FASN: variants seen among roughly 807,000 people sequenced by gnomAD.
FASN encodes fatty acid synthase.
FASN carries 50 observed loss-of-function variants against 250.0 expected under a neutral mutation model. The observed-to-expected ratio is 0.20, with a 90% CI of 0.16 to 0.25. FASN has a LOEUF of 0.25. FASN is among the 10% of genes least tolerant of loss of function. The pLI, the probability that FASN is intolerant of heterozygous loss-of-function variation, is 1.00. For missense variants in FASN, 3,031 were observed against 3,498.5 expected, an observed-to-expected ratio of 0.87 and a Z score of 3.37; for synonymous variants, 1,909 against 1,584.0, an observed-to-expected ratio of 1.21 and a Z score of -4.87.
rs2034082138 is a variant in FASN at position 82,085,601 on chromosome 17, C to A, written c.4003G>T (p.Ala1335Ser). Residue 1335 changes from alanine (A) to serine (S), a missense_variant, in exon 23 of 43, where the codon GCC becomes TCC. By Grantham distance (99) the Ala-to-Ser change is moderately conservative (BLOSUM62 1). Transcript: ENST00000306749. ...AGCAGAAAGCCCCCTTCTCTCAGGG[C>A]AGCCACCATGTTGCTGAGAGCTGAG... ...PASALSNMVA[A>S]LREGGFLLLH... The A allele has an allele frequency of 6.3e-7, 1 of 1,599,082 alleles. No homozygotes were observed. The highest frequency in any genetic ancestry group is 8.5e-7 in the Non-Finnish European group (1 of 1,173,638).
Position 82,081,658 on chromosome 17 carries a change from C to T in FASN, c.6349G>A (p.Ala2117Thr), listed in dbSNP as rs2144781772. 1 of 1,612,778 alleles carries T rather than the reference C, an allele frequency of 6.2e-7. No individual in the cohort carries two copies. Among genetic ancestry groups the T allele is most frequent in the Non-Finnish European group, 8.5e-7 (1 of 1,179,998 alleles). ...CGCTGGCTGTCCCTGTCCCTATAGGCCGCAGCCTTCTCAGCCAGCACAAAG... is the reference window on the plus strand; with the variant it reads ...CGCTGGCTGTCCCTGTCCCTATAGGTCGCAGCCTTCTCAGCCAGCACAAAG... Reference protein sequence around the residue: ...SSFVLAEKAAAYRDRDSQRDL... With the variant: ...SSFVLAEKAATYRDRDSQRDL... The change falls in exon 37 of 43, where the codon GCC becomes ACC. Residue 2117 changes from alanine (A) to threonine (T), a missense_variant. Transcript: ENST00000306749.
chr17:82,093,511 C>T (rs577286898), intron 4 of FASN, 87 bp downstream of exon 4: 231 of 1,596,264 alleles, frequency 1.4e-4, no homozygotes, highest in Middle Eastern at 3.7e-4. Flanking sequence ...ACACACTGCA[C>T]GGAGTGAGCC....
rs1283625957 is a variant in FASN, at chr17:82,088,118, G to A, written c.2783C>T (p.Thr928Ile). The A allele has an allele frequency of 1.9e-6, 3 of 1,612,822 alleles. No individual in the cohort carries two copies. Among genetic ancestry groups the A allele is most frequent in the East Asian group, 2.2e-5 (1 of 44,884 alleles). The change falls in exon 17 of 43, where the codon ACT becomes ATT. Residue 928 changes from threonine to isoleucine, a missense_variant and splice_region_variant. By Grantham distance (89) the Thr-to-Ile change is moderately conservative. Coordinates refer to ENST00000306749, the MANE Select transcript of FASN (RefSeq NM_004104.5). ...VLHQATILPK[T>I]GTVSLEVRLL... ...CTTGGTCCTGGGGTACCCCTCACCAGTCTTGGGCAGGATGGTGGCCTGGTG... is the reference window on the plus strand; with the variant it reads ...CTTGGTCCTGGGGTACCCCTCACCAATCTTGGGCAGGATGGTGGCCTGGTG...
At chr17:82,090,202 C>G (rs1310614023) in intron 11 of FASN, among the ~76,000 whole-genome samples, 173 bp downstream of exon 11, 1 of 152,210 alleles carries the variant, frequency 6.6e-6, no homozygotes, top group Non-Finnish European at 1.5e-5. Context: ...GGTGTGGGGC[C>G]AGTGGGGCAG....
Position 82,084,905 on chromosome 17 carries a change from C to T in FASN, c.4458G>A (p.Val1486=), listed in dbSNP as rs1203541315. The change falls in exon 26 of 43, where the codon GTG becomes GTA. Residue 1486 remains valine, a synonymous_variant. Coordinates refer to ENST00000306749, the MANE Select transcript of FASN (RefSeq NM_004104.5). ...TCTGCAGTTCTGCGGAGCCCGGGTC[C>T]ACCTCCGGGACGTGGGAGGTGCTGC... is the stretch of plus-strand genomic sequence containing the variant. ...NLSSTSHVPE[V]DPGSAELQKV... The T allele has an allele frequency of 6.4e-6, 10 of 1,551,818 alleles. No individual in the cohort carries two copies. The Admixed American group carries it at 2.0e-4, about 30-fold the overall frequency.
At chr17:82,082,785 C>T in intron 33 of FASN, 107 bp from the exon 34 acceptor site, 10 of 1,553,524 alleles carry the variant, frequency 6.4e-6, no homozygotes, top group Non-Finnish European at 8.7e-6. Flanking sequence ...CCAGCAAGCC[C>T]CCCACAAGAT....
chr17:82,089,606 G>C (rs1320076974), intron 12 of FASN, 26 bp downstream of exon 12: 22 of 1,573,312 alleles, frequency 1.4e-5, no homozygotes, highest in Admixed American at 1.9e-5. Flanking sequence ...GGGGACAGAG[G>C]AGCCCGCCCA....
At chr17:82,093,817 C>T (rs748823363) in intron 3 of FASN, 46 bp from the exon 4 acceptor site, 3 of 1,583,920 alleles carry the variant, frequency 1.9e-6, no homozygotes, top group East Asian at 2.3e-5. Context: ...CCCCACAGCG[C>T]AGCCAGCCCA....
rs774081725 is a variant in FASN at position 82,090,945 on chromosome 17, C to T, written c.1617G>A (p.Leu539=). 3 of 1,612,698 alleles carry T rather than the reference C, an allele frequency of 1.9e-6. No individual in the cohort carries two copies. The highest frequency in any genetic ancestry group is 3.3e-5 in the Admixed American group (2 of 59,982). ...CATCAAAGGTGCTCTCGTCTGTGCT[C>T]AGCAGCAGCTGTGACACCTTCAGGC... The part of the protein sequence containing the change: ...PFGLKVSQLL[L]STDESTFDDI... Residue 539 remains leucine (L), a synonymous_variant, in exon 10 of 43, where the codon CTG becomes CTA. Transcript: ENST00000306749.
chr17:82,094,645 C>T lies in FASN; in HGVS notation c.280+675G>A, dbSNP rs537361540. On this transcript the variant is annotated intron_variant, in intron 3 of 42. Coordinates refer to ENST00000306749, the MANE Select transcript of FASN (RefSeq NM_004104.5). ...CTCTACTAAAAATACAAAAATTAGC[C>T]GGGCGTGGTGGTGGGCGCCTGTAGT... Among the ~76,000 whole-genome samples the T allele has an allele frequency of 8.6e-5, 13 of 151,412 alleles. No homozygotes were observed. In the South Asian group the frequency reaches 1.7e-3, roughly 20 times the overall value.
rs767135299 is a variant in FASN, at chr17:82,086,371, C to T, written c.3615G>A (p.Glu1205=). 2.5e-6 allele frequency: 4 copies of T among 1,609,298 alleles called. No homozygotes were observed. Among genetic ancestry groups the T allele is most frequent in the Non-Finnish European group, 3.4e-6 (4 of 1,179,742 alleles). The part of the protein sequence containing the change: ...QLELAQVLAQ[E]RPKLPEDPLL... ...GAGGGTCCTCTGGCAGCTTGGGCCT[C>T]TCCTGGGCCAGCACCTGCGCCAGCT... is the stretch of plus-strand genomic sequence containing the variant. Residue 1205 remains glutamate, a synonymous_variant, in exon 22 of 43, where the codon GAG becomes GAA. Transcript: ENST00000306749.
rs762768328 is a variant in FASN, at chr17:82,084,318, C to T, written c.4835G>A (p.Arg1612His). The T allele has an allele frequency of 6.8e-6, 11 of 1,610,246 alleles. No homozygotes were observed. The highest frequency in any genetic ancestry group is 4.5e-5 in the East Asian group (2 of 44,732). The part of the protein sequence containing the change: ...EFSGRDASGK[R>H]VMGLVPAKGL... ...CTTGGCAGGCACCAGTCCCATCACA[C>T]GCTTGCCGCTGGCGTCTCGGCCCGA... is the stretch of plus-strand genomic sequence containing the variant. Residue 1612 changes from arginine to histidine, a missense_variant, in exon 28 of 43, where the codon CGT becomes CAT. Transcript: ENST00000306749.
Position 82,088,975 on chromosome 17 carries a change from C to T in FASN, c.2298G>A (p.Leu766=), listed in dbSNP as rs749701327. 6.2e-7 allele frequency: 1 copy of T among 1,609,368 alleles called. No homozygotes were observed. Among genetic ancestry groups the T allele is most frequent in the South Asian group, 1.1e-5 (1 of 90,600 alleles). ...AVVLEIAPHA[L]LQAVLKRGLK... is the part of the protein sequence containing the mutation. ...GCCCCCAGGCTGGGCCTACCTGCAG[C>T]AGGGCGTGGGGCGCGATCTCCAGCA... The change falls in exon 14 of 43, where the codon CTG becomes CTA. Residue 766 remains leucine, a synonymous_variant. Coordinates refer to ENST00000306749, the MANE Select transcript of FASN (RefSeq NM_004104.5).
Position 82,083,977 on chromosome 17 carries a change from A to G in FASN, c.5096T>C (p.Val1699Ala). Residue 1699 changes from valine (V) to alanine (A), a missense_variant and splice_region_variant, in exon 29 of 43, where the codon GTG becomes GCG. Physicochemically the swap from Val to Ala is moderately conservative, Grantham distance 64. Transcript: ENST00000306749. ...LSLGCRVFTTVGSAEKRAYLQ... is the reference protein window; with the variant it reads ...LSLGCRVFTTAGSAEKRAYLQ... The stretch of plus-strand genomic sequence containing the variant: ...AGGCACCGGGGGCGGGGCCTTACCC[A>G]CGGTGGTGAAGACGCGGCAGCCCAG... 6.5e-7 allele frequency: 1 copy of G among 1,540,792 alleles called. No individual in the cohort carries two copies. Among genetic ancestry groups the G allele is most frequent in the Non-Finnish European group, 8.7e-7 (1 of 1,145,828 alleles).
At chr17:82,093,802 C>T in intron 3 of FASN, 31 bp from the exon 4 acceptor site, 1 of 1,609,702 alleles carries the variant, frequency 6.2e-7, no homozygotes, top group Non-Finnish European at 8.5e-7. Flanking sequence ...GGTGCCACGG[C>T]CGGGCCCCAC....
intron 1 of FASN, chr17:82,097,645 T>C (rs1216249007): frequency 6.6e-6 from 1 of 151,824 alleles, no homozygotes; most frequent in African/African-American, 2.4e-5. Flanking sequence ...CGGGGGCTGC[T>C]CGGGACCCCT....
Position 82,078,876 on chromosome 17 carries a change from G to A in FASN, c.*267C>T. ...AGACCCCACGGGCGCACGAGGCCCA[G>A]CCCAGTTCCTGCGGGCACGGGCACC... is the stretch of plus-strand genomic sequence containing the variant. On this transcript the variant is annotated 3_prime_UTR_variant, in exon 43 of 43. Transcript: ENST00000306749. This position sits in a 1 kb window ranked among gnomAD's most constrained non-coding sequence, Gnocchi z 5.4. The A allele has an allele frequency of 3.5e-6, 2 of 579,616 alleles. No homozygotes were observed. Among genetic ancestry groups the A allele is most frequent in the Non-Finnish European group, 6.2e-6 (2 of 323,822 alleles). 35.9% of individuals were successfully genotyped at this position (579,616 alleles called of 1,614,324 possible).
Position 82,081,659 on chromosome 17 carries a change from C to A in FASN, c.6348G>T (p.Ala2116=), listed in dbSNP as rs376473813. The A allele has an allele frequency of 2.5e-6, 4 of 1,612,616 alleles. No homozygotes were observed. The African/African-American group carries it at 4.0e-5, about 16-fold the overall frequency. The change falls in exon 37 of 43, where the codon GCG becomes GCT. Residue 2116 remains alanine (A), a synonymous_variant. Coordinates refer to ENST00000306749, the MANE Select transcript of FASN (RefSeq NM_004104.5). ...GCTGGCTGTCCCTGTCCCTATAGGC[C>A]GCAGCCTTCTCAGCCAGCACAAAGC... ...LSSFVLAEKA[A]AYRDRDSQRD...
chr17:82,096,681 T>C lies in FASN; in HGVS notation c.-7-229A>G. The C allele has an allele frequency of 1.1e-5, 7 of 610,174 alleles. 1 individual carries two copies. Among genetic ancestry groups the C allele is most frequent in the South Asian group, 1.1e-4 (6 of 55,126 alleles). The allele number at this position is 610,174 out of a possible 1,614,324, so 37.8% of individuals were successfully genotyped here. On this transcript the variant is annotated intron_variant, in intron 1 of 42. Coordinates refer to ENST00000306749, the MANE Select transcript of FASN (RefSeq NM_004104.5). ...TGGGAACAGGCCCGCCTCTGGGCCC[T>C]GACCCATTCAGTTCAGGGTATTGGC...
Sources: gnomAD v4.1 joint callset for allele counts (sites outside exome capture counted in the v4.1 genomes callset) on GRCh38, gnomAD v4.1.1 for gene constraint, Gnocchi (gnomAD v3.1) non-coding constraint, MANE v1.5 for transcripts, NCBI Gene and HGNC (gene_info 2026-07-23, HGNC 2026-07-21) for gene names.